KCNN3: variants seen among roughly 807,000 people sequenced by gnomAD.
KCNN3 encodes the protein small conductance calcium-activated potassium channel protein 3.
KCNN3 carries 16 observed loss-of-function variants against 62.9 expected under a neutral mutation model. That is an observed-to-expected ratio of 0.25 (90% CI 0.17 to 0.39). The LOEUF (loss-of-function observed/expected upper bound fraction) is 0.39, where lower values mean the gene tolerates loss of function less well. KCNN3 is among the 10% of genes least tolerant of loss of function. The probability of loss-of-function intolerance (pLI) is 1.00; values close to 1 mark genes in which losing one functional copy is unlikely to be tolerated. For synonymous variants in KCNN3, 370 were observed against 389.2 expected (o/e 0.95, Z 0.58); for missense variants, 599 against 949.4 (o/e 0.63, Z 4.85).
chr1:154,749,136 T>C lies in KCNN3; in HGVS notation c.1449-15992A>G, dbSNP rs899487621. Among the ~76,000 whole-genome samples the C allele has an allele frequency of 5.3e-5, 8 of 152,346 alleles. No individual in the cohort carries two copies. The East Asian group carries it at 1.2e-3, about 22-fold the overall frequency. Reference sequence around the variant, plus strand: ...CCTGGATCTGTGTTATAATGAGCCATGCTTCCCAGGAGAGTAAGACAGAGC... The same window carrying C: ...CCTGGATCTGTGTTATAATGAGCCACGCTTCCCAGGAGAGTAAGACAGAGC... On this transcript the variant is annotated intron_variant, in intron 3 of 7. Coordinates refer to ENST00000271915, the MANE Select transcript of KCNN3 (RefSeq NM_002249.6).
intron 1 of KCNN3, among the ~76,000 whole-genome samples, chr1:154,865,588 G>A (rs1652920524): frequency 6.6e-6 from 1 of 152,220 alleles, no homozygotes; most frequent in South Asian, 2.1e-4. Context: ...TGAGGCAGGA[G>A]CTGGGGATGT....
intron 5 of KCNN3, among the ~76,000 whole-genome samples, chr1:154,722,299 G>A (rs1274818883): frequency 1.3e-5 from 2 of 151,986 alleles, no homozygotes; most frequent in Non-Finnish European, 2.9e-5. Flanking sequence ...ACTCCGAAGA[G>A]GTTGCAATTA....
intron 7 of KCNN3, among the ~76,000 whole-genome samples, chr1:154,712,404 C>T (rs1056617575): frequency 2.0e-5 from 3 of 152,154 alleles, no homozygotes; most frequent in Non-Finnish European, 4.4e-5. Flanking sequence ...GCACGCGGGC[C>T]TGGAGGCTTC....
chr1:154,858,983 T>C (rs566109107), intron 1 of KCNN3, among the ~76,000 whole-genome samples: 2 of 152,268 alleles, frequency 1.3e-5, no homozygotes, highest in African/African-American at 4.8e-5. Context: ...CTGGCTGGCC[T>C]ACAGAGCTTG....
chr1:154,833,686 G>A (rs1651468202), intron 1 of KCNN3, among the ~76,000 whole-genome samples: 1 of 152,208 alleles, frequency 6.6e-6, no homozygotes, highest in African/African-American at 2.4e-5. Flanking sequence ...TGGGGCTGGT[G>A]TTCTGCCACA....
At chr1:154,735,525 C>T (rs1030937395) in intron 3 of KCNN3, among the ~76,000 whole-genome samples, 1 of 152,180 alleles carries the variant, frequency 6.6e-6, no homozygotes, top group African/African-American at 2.4e-5. Context: ...ACCCTAGGGG[C>T]CCCTGGCTGG....
At chr1:154,739,022 G>A (rs1700772320) in intron 3 of KCNN3, among the ~76,000 whole-genome samples, 1 of 152,186 alleles carries the variant, frequency 6.6e-6, no homozygotes, top group African/African-American at 2.4e-5. Flanking sequence ...TCCCAGAGTG[G>A]GAAGGGAATA....
intron 2 of KCNN3, among the ~76,000 whole-genome samples, chr1:154,813,747 C>T (rs1292126409): frequency 6.6e-6 from 1 of 152,146 alleles, no homozygotes; most frequent in Non-Finnish European, 1.5e-5. Flanking sequence ...TCCAGGATGA[C>T]ATTCCCCAGA....
chr1:154,764,581 G>A (rs1464805941), intron 3 of KCNN3, among the ~76,000 whole-genome samples: 1 of 152,158 alleles, frequency 6.6e-6, no homozygotes, highest in Non-Finnish European at 1.5e-5. Context: ...CTAAAACTGA[G>A]TAATAGGGCT....
At chr1:154,831,815 C>T (rs1416062406) in intron 1 of KCNN3, among the ~76,000 whole-genome samples, 1 of 152,106 alleles carries the variant, frequency 6.6e-6, no homozygotes. Context: ...TCTGTGAAGA[C>T]CTGCTCTGAC....
chr1:154,778,073 T>G (rs1419967732), intron 2 of KCNN3, among the ~76,000 whole-genome samples: 1 of 152,200 alleles, frequency 6.6e-6, no homozygotes, highest in Non-Finnish European at 1.5e-5. Context: ...TTCCTGAAAA[T>G]TCCATTCTTT....
At chr1:154,855,496 C>T (rs1271486739) in intron 1 of KCNN3, among the ~76,000 whole-genome samples, 3 of 152,002 alleles carry the variant, frequency 2.0e-5, no homozygotes, top group Non-Finnish European at 2.9e-5. Context: ...TCTACTGTAC[C>T]TTTTCTATGT....
intron 2 of KCNN3, among the ~76,000 whole-genome samples, chr1:154,798,831 C>A (rs1419894977): frequency 6.6e-6 from 1 of 152,108 alleles, no homozygotes; most frequent in Non-Finnish European, 1.5e-5. Context: ...GGCCTTCCAT[C>A]CTACCACCTC....
intron 2 of KCNN3, among the ~76,000 whole-genome samples, chr1:154,779,113 T>C (rs1336681910): frequency 2.6e-5 from 4 of 152,094 alleles, no homozygotes; most frequent in Non-Finnish European, 4.4e-5. Flanking sequence ...ACCAGCTGCA[T>C]GACAGAAGCT....
intron 2 of KCNN3, among the ~76,000 whole-genome samples, chr1:154,780,717 T>A (rs1649005744): frequency 6.6e-6 from 1 of 151,876 alleles, no homozygotes; most frequent in South Asian, 2.1e-4. Context: ...CCTAATTAGG[T>A]TTCCCTGAGG....
intron 1 of KCNN3, among the ~76,000 whole-genome samples, chr1:154,851,154 T>C (rs1652284813): frequency 6.6e-6 from 1 of 152,188 alleles, no homozygotes; most frequent in Non-Finnish European, 1.5e-5. Context: ...AATTTTTGTA[T>C]TTTTTGTAGA....
intron 2 of KCNN3, among the ~76,000 whole-genome samples, chr1:154,778,457 G>A (rs765747863): frequency 7.9e-5 from 12 of 152,076 alleles, no homozygotes; most frequent in South Asian, 6.2e-4. Context: ...CTTCAGCAGC[G>A]CCCGGAAGGC....
chr1:154,763,639 C>T (rs1227399311), intron 3 of KCNN3, among the ~76,000 whole-genome samples: 6 of 152,256 alleles, frequency 3.9e-5, no homozygotes, highest in East Asian at 3.9e-4. Context: ...TAGCCTTTAA[C>T]GGTAGTTTTG....
intron 1 of KCNN3, among the ~76,000 whole-genome samples, chr1:154,858,471 G>A (rs992136628): frequency 6.6e-6 from 1 of 152,222 alleles, no homozygotes; most frequent in Non-Finnish European, 1.5e-5. Flanking sequence ...CAGGTCTATG[G>A]GGAAAGCCTG....
Sources: gnomAD v4.1 joint callset for allele counts (sites outside exome capture counted in the v4.1 genomes callset) on GRCh38, gnomAD v4.1.1 for gene constraint, MANE v1.5 for transcripts, NCBI Gene and HGNC (gene_info 2026-07-23, HGNC 2026-07-21) for gene names.